Variants in SDK1 observed in about 807,000 individuals in gnomAD.
SDK1 encodes protein sidekick-1.
SDK1 carries 157 observed loss-of-function variants against 245.5 expected under a neutral mutation model. That is an observed-to-expected ratio of 0.64 (90% CI 0.56 to 0.73). The LOEUF (loss-of-function observed/expected upper bound fraction) is 0.73, where lower values mean the gene tolerates loss of function less well. Among genes scored for constraint, SDK1 ranks in the 30% least tolerant of loss-of-function variants. SDK1 has a pLI of 0.00. For synonymous variants in SDK1, 1,647 were observed against 1,278.5 expected, an observed-to-expected ratio of 1.29 and a Z score of -6.15; for missense variants, 3,583 against 3,002.3, an observed-to-expected ratio of 1.19 and a Z score of -4.52.
intron 5 of SDK1, among the ~76,000 whole-genome samples, chr7:3,860,396 C>T (rs1162001658): frequency 6.6e-6 from 1 of 152,026 alleles, no homozygotes; most frequent in Non-Finnish European, 1.5e-5. Flanking sequence ...TACATATTGC[C>T]AGTAAATGCA....
chr7:3,962,560 A>G lies in SDK1; in HGVS notation c.1235-97A>G, dbSNP rs148004844. On this transcript the variant is annotated intron_variant, in intron 8 of 44. Transcript: ENST00000404826. ...AGCACGAATACACAAGAAAATGCCT[A>G]TTAAAATATTGGCATTCTAGCCTTT... The G allele has an allele frequency of 1.7e-4, 179 of 1,079,922 alleles. 1 individual carries two copies. The African/African-American group carries it at 2.6e-3, about 16-fold the overall frequency. 66.9% of individuals were successfully genotyped at this position (1,079,922 alleles called of 1,614,324 possible).
intron 4 of SDK1, among the ~76,000 whole-genome samples, chr7:3,663,452 C>T (rs1332193176): frequency 6.6e-6 from 1 of 152,148 alleles, no homozygotes; most frequent in African/African-American, 2.4e-5. Context: ...GGGGCTTGTT[C>T]TCAGGGCCTT....
At chr7:3,766,433 A>G (rs941267704) in intron 4 of SDK1, among the ~76,000 whole-genome samples, 2 of 152,188 alleles carry the variant, frequency 1.3e-5, no homozygotes, top group African/African-American at 4.8e-5. Context: ...TTTTTAATCC[A>G]GCTCCCCTAC....
chr7:3,557,745 A>G (rs542634254), intron 1 of SDK1, among the ~76,000 whole-genome samples: 3 of 152,234 alleles, frequency 2.0e-5, no homozygotes, highest in South Asian at 4.2e-4. Context: ...TGAATCTGTT[A>G]TTATCTCAGT....
Position 4,222,016 on chromosome 7 carries a change from A to G in SDK1, c.5827+652A>G, listed in dbSNP as rs569411148. ...ACAGAAAGCACGGAACAGCTCCAAT[A>G]TGACCTTCAGATGGTTGCACAGTTA... is the stretch of plus-strand genomic sequence containing the variant. On this transcript the variant is annotated intron_variant, in intron 40 of 44. Coordinates refer to ENST00000404826, the MANE Select transcript of SDK1 (RefSeq NM_152744.4). Among the ~76,000 whole-genome samples the G allele has an allele frequency of 6.7e-4, 102 of 152,310 alleles. No individual in the cohort carries two copies. In the South Asian group the frequency reaches 0.019, roughly 29 times the overall value.
intron 1 of SDK1, among the ~76,000 whole-genome samples, chr7:3,343,353 G>A (rs950390358): frequency 1.3e-5 from 2 of 152,144 alleles, no homozygotes; most frequent in Non-Finnish European, 2.9e-5. Flanking sequence ...CCAAAGTATT[G>A]ATGCACCTAC....
chr7:3,775,728 C>T (rs1476263482), intron 4 of SDK1, among the ~76,000 whole-genome samples: 5 of 151,990 alleles, frequency 3.3e-5, no homozygotes, highest in Admixed American at 1.3e-4. Context: ...AGGCGCCCGC[C>T]ACCGCACCCG....
At chr7:3,484,170 C>G (rs1417617030) in intron 1 of SDK1, among the ~76,000 whole-genome samples, 2 of 152,150 alleles carry the variant, frequency 1.3e-5, no homozygotes, top group Non-Finnish European at 2.9e-5. Flanking sequence ...TGCTCCAGTC[C>G]ACAGGTGGCC....
At chr7:4,052,985 G>A (rs1778969209) in intron 19 of SDK1, among the ~76,000 whole-genome samples, 2 of 151,208 alleles carry the variant, frequency 1.3e-5, no homozygotes, top group Non-Finnish European at 2.9e-5. Context: ...TACTCGGGAG[G>A]CTGAGGCAGG....
intron 1 of SDK1, among the ~76,000 whole-genome samples, chr7:3,443,814 A>T (rs1780265242): frequency 6.6e-6 from 1 of 152,192 alleles, no homozygotes. Context: ...TATTGTCATC[A>T]GGCTAGTGAT....
At chr7:4,082,959 C>G (rs1054925440) in intron 22 of SDK1, among the ~76,000 whole-genome samples, 3 of 152,120 alleles carry the variant, frequency 2.0e-5, no homozygotes, top group African/African-American at 2.4e-5. Context: ...TCAGTTCACA[C>G]TCAGATTCCC....
chr7:3,957,543 TG>T (rs922645626), intron 7 of SDK1, among the ~76,000 whole-genome samples: 45 of 152,328 alleles, frequency 3.0e-4, no homozygotes, highest in African/African-American at 1.0e-3. Flanking sequence ...TGTTGTCGAA[TG>T]TATGTTTTTT....
intron 5 of SDK1, among the ~76,000 whole-genome samples, chr7:3,853,686 G>A (rs12701227): frequency 0.22 from 34,002 of 151,768 alleles, 4,167 homozygotes; most frequent in Middle Eastern, 0.35. Flanking sequence ...CATCACGTTG[G>A]TGCTCAAAAA....
At chr7:3,625,437 G>T (rs566347677) in intron 2 of SDK1, among the ~76,000 whole-genome samples, 18 of 152,194 alleles carry the variant, frequency 1.2e-4, no homozygotes, top group Non-Finnish European at 2.2e-4. Flanking sequence ...CCTGATGACA[G>T]TGGTGGAGAC....
rs530725915 is a variant in SDK1, at chr7:3,810,499, C to A, written c.714-10951C>A. ...CATTTATTTGTACCTAGTGCTGAAACAATTAGTTAAAATAACAAAAGGCCC... is the reference window on the plus strand; with the variant it reads ...CATTTATTTGTACCTAGTGCTGAAAAAATTAGTTAAAATAACAAAAGGCCC... On this transcript the variant is annotated intron_variant, in intron 4 of 44. Transcript: ENST00000404826. 7.2e-5 allele frequency among the ~76,000 whole-genome samples: 11 copies of A among 152,192 alleles called. 1 individual carries two copies. The South Asian group carries it at 2.3e-3, about 32-fold the overall frequency.
intron 4 of SDK1, among the ~76,000 whole-genome samples, chr7:3,786,460 G>C (rs1224504192): frequency 6.6e-6 from 1 of 152,126 alleles, no homozygotes; most frequent in African/African-American, 2.4e-5. Context: ...TTAAATCCTA[G>C]CCTAGCAACG....
At chr7:3,999,975 G>A (rs1003093198) in intron 14 of SDK1, among the ~76,000 whole-genome samples, 21 of 152,180 alleles carry the variant, frequency 1.4e-4, no homozygotes, top group African/African-American at 4.8e-4. Context: ...GCTAGGCAAG[G>A]TGGTGTGAAA....
chr7:4,220,986 T>G (rs1785122084), intron 39 of SDK1, among the ~76,000 whole-genome samples: 1 of 150,552 alleles, frequency 6.6e-6, no homozygotes, highest in South Asian at 2.1e-4. Context: ...GTTTTTGCAA[T>G]GTTGCCCAAA....
At chr7:3,653,025 C>G (rs1034828906) in intron 4 of SDK1, among the ~76,000 whole-genome samples, 6 of 152,190 alleles carry the variant, frequency 3.9e-5, no homozygotes, top group African/African-American at 1.4e-4. Flanking sequence ...TTTGGCTATT[C>G]CATTCAGTGC....
Sources: gnomAD v4.1 joint callset for allele counts (sites outside exome capture counted in the v4.1 genomes callset) on GRCh38, gnomAD v4.1.1 for gene constraint, MANE v1.5 for transcripts, NCBI Gene and HGNC (gene_info 2026-07-23, HGNC 2026-07-21) for gene names.